TSHZ3: variants seen among roughly 807,000 people sequenced by gnomAD.
TSHZ3 encodes the protein teashirt homolog 3.
Under a neutral mutation model 64.5 loss-of-function variants are expected in TSHZ3, and 10 were observed. That is an observed-to-expected ratio of 0.16 (90% CI 0.10 to 0.26). TSHZ3 has a LOEUF of 0.26. Ranked by LOEUF, TSHZ3 falls within the 10% of genes least tolerant of loss-of-function variation. TSHZ3 has a pLI of 1.00. For synonymous variants in TSHZ3, 608 were observed against 593.1 expected (o/e 1.03, Z -0.36); for missense variants, 1,242 against 1,421.7 (o/e 0.87, Z 2.03).
chr19:31,250,807 G>T (rs1230785713), intron 1 of TSHZ3, among the ~76,000 whole-genome samples: 2 of 152,282 alleles, frequency 1.3e-5, no homozygotes, highest in East Asian at 3.9e-4. Flanking sequence ...CACAGTAGGT[G>T]CTCAGTAAAT....
At chr19:31,224,186 G>A (rs1975428812) in intron 4 of TSHZ3, among the ~76,000 whole-genome samples, 1 of 152,118 alleles carries the variant, frequency 6.6e-6, no homozygotes, top group African/African-American at 2.4e-5. Flanking sequence ...CATTAAATAA[G>A]GTTTACCATT....
intron 5 of TSHZ3, among the ~76,000 whole-genome samples, chr19:31,194,502 G>A (rs1338304871): frequency 1.3e-5 from 2 of 152,090 alleles, no homozygotes; most frequent in Non-Finnish European, 2.9e-5. Flanking sequence ...AGTGGGGTGG[G>A]GAGATTGAGA....
intron 1 of TSHZ3, among the ~76,000 whole-genome samples, chr19:31,250,266 G>A (rs368182299): frequency 5.3e-5 from 8 of 152,140 alleles, no homozygotes; most frequent in Admixed American, 2.0e-4. Flanking sequence ...TCCCTTTTGC[G>A]TTGCAAAAAT....
Position 31,277,843 on chromosome 19 carries a change from G to A in TSHZ3, c.1950C>T (p.Val650=), listed in dbSNP as rs769580882. Residue 650 remains valine, a synonymous_variant, in exon 2 of 2, where the codon GTC becomes GTT. Coordinates refer to ENST00000240587, the MANE Select transcript of TSHZ3 (RefSeq NM_020856.4). This position sits in a 1 kb window ranked among gnomAD's most constrained non-coding sequence, Gnocchi z 4.5. ...ATGCCTCCATCTTGATGGGTTCCCC[G>A]ACTTCGCTGCTACATGGGGAGGGAG... The part of the protein sequence containing the change: ...RATPSPCSSE[V]GEPIKMEASS... 32 of 1,584,816 alleles carry A rather than the reference G, an allele frequency of 2.0e-5. No homozygotes were observed. Among genetic ancestry groups the A allele is most frequent in the African/African-American group, 4.1e-5 (3 of 73,774 alleles).
At chr19:31,181,155 T>C (rs1486223022) in intron 5 of TSHZ3, among the ~76,000 whole-genome samples, 1 of 152,020 alleles carries the variant, frequency 6.6e-6, no homozygotes. Flanking sequence ...TACCAGTTTT[T>C]GAAGAATCAA....
chr19:31,307,139 GA>G (rs555588555), intron 1 of TSHZ3, among the ~76,000 whole-genome samples: 17 of 151,038 alleles, frequency 1.1e-4, no homozygotes, highest in East Asian at 3.9e-4. Context: ...AGTGCTTGAG[GA>G]AAAAAAAATG....
intron 1 of TSHZ3, among the ~76,000 whole-genome samples, chr19:31,268,393 A>C (rs1976085880): frequency 6.6e-6 from 1 of 152,182 alleles, no homozygotes; most frequent in African/African-American, 2.4e-5. Flanking sequence ...AGTCTCACTG[A>C]AACACAAGAG....
chr19:31,222,667 C>A (rs1360740291), intron 4 of TSHZ3, among the ~76,000 whole-genome samples: 1 of 152,162 alleles, frequency 6.6e-6, no homozygotes, highest in East Asian at 1.9e-4. Context: ...GGGCTTAGCA[C>A]AGGGACTTCC....
At chr19:31,164,786 C>A (rs950651634) in intron 5 of TSHZ3, among the ~76,000 whole-genome samples, 1 of 152,224 alleles carries the variant, frequency 6.6e-6, no homozygotes, top group African/African-American at 2.4e-5. Context: ...CCTTTCCCCC[C>A]TTTGTGGCTG....
At chr19:31,182,330 T>C (rs1475793989) in intron 5 of TSHZ3, among the ~76,000 whole-genome samples, 1 of 152,192 alleles carries the variant, frequency 6.6e-6, no homozygotes, top group Admixed American at 6.5e-5. Flanking sequence ...AGAGCTCTTG[T>C]TCCAGGGAGA....
intron 1 of TSHZ3, among the ~76,000 whole-genome samples, chr19:31,343,609 T>C (rs1917497900): frequency 6.6e-6 from 1 of 152,146 alleles, no homozygotes; most frequent in Non-Finnish European, 1.5e-5. Context: ...AAGAAGATTA[T>C]GTTCTATTAC....
intron 1 of TSHZ3, among the ~76,000 whole-genome samples, chr19:31,246,493 T>A (rs746141581): frequency 7.9e-5 from 12 of 151,986 alleles, no homozygotes; most frequent in Non-Finnish European, 1.6e-4. Context: ...AGGTTTCTCA[T>A]TGTTGGAGAA....
chr19:31,277,723 A>T lies in TSHZ3; in HGVS notation c.2070T>A (p.Asn690Lys), dbSNP rs769175996. 6 of 1,522,490 alleles carry T rather than the reference A, an allele frequency of 3.9e-6. No individual in the cohort carries two copies. Among genetic ancestry groups the T allele is most frequent in the Non-Finnish European group, 5.3e-6 (6 of 1,137,442 alleles). 94.3% of individuals were successfully genotyped at this position (1,522,490 alleles called of 1,614,324 possible). A position where few individuals can be genotyped will look rare whatever the true frequency, so the allele number is the denominator to read the frequency against. The change falls in exon 2 of 2, where the codon AAT becomes AAA. Residue 690 changes from asparagine (N) to lysine (K), a missense_variant. By Grantham distance (94) the Asn-to-Lys change is moderately conservative. This residue lies in a region of TSHZ3 where 550 missense variants were observed against 545.1 expected (regional missense o/e 1.01). Coordinates refer to ENST00000240587, the MANE Select transcript of TSHZ3 (RefSeq NM_020856.4). This position sits in a 1 kb window ranked among gnomAD's most constrained non-coding sequence, Gnocchi z 4.5. ...DGSPLAEPVENGKELVKPLAS... is the reference protein window; with the variant it reads ...DGSPLAEPVEKGKELVKPLAS... ...CTAGGGGCTTCACCAGCTCCTTGCC[A>T]TTCTCCACCGGCTCAGCGAGGGGGC...
chr19:31,254,866 C>T (rs994553267), intron 1 of TSHZ3, among the ~76,000 whole-genome samples: 8 of 146,198 alleles, frequency 5.5e-5, no homozygotes, highest in African/African-American at 1.9e-4. Flanking sequence ...GACAAGGCCA[C>T]ACTTAGATTC....
chr19:31,267,154 G>C (rs1976064339), intron 1 of TSHZ3, among the ~76,000 whole-genome samples: 1 of 152,206 alleles, frequency 6.6e-6, no homozygotes, highest in South Asian at 2.1e-4. Flanking sequence ...GCAGGTCTTA[G>C]GAATTTTCTT....
At chr19:31,291,258 A>T (rs1012717953) in intron 1 of TSHZ3, among the ~76,000 whole-genome samples, 1 of 152,202 alleles carries the variant, frequency 6.6e-6, no homozygotes. Flanking sequence ...CAAGAGTCCA[A>T]GAGTTCCAGA....
chr19:31,238,386 G>C (rs1396702121), intron 3 of TSHZ3, among the ~76,000 whole-genome samples: 5 of 151,766 alleles, frequency 3.3e-5, no homozygotes, highest in Non-Finnish European at 5.9e-5. Context: ...CTCCTGAGTA[G>C]CTGGGATTAC....
At chr19:31,183,178 T>TTCTCTCTCTCTCTCTC (rs750398873) in intron 5 of TSHZ3, among the ~76,000 whole-genome samples, 4 of 116,472 alleles carry the variant, frequency 3.4e-5, no homozygotes, top group Non-Finnish European at 5.3e-5. Context: ...TTCTATGAGA[T>TTCTCTCTCTCTCTCTC]TCTCTCTCTC....
chr19:31,318,328 A>G (rs534833368), intron 1 of TSHZ3, among the ~76,000 whole-genome samples: 1 of 152,226 alleles, frequency 6.6e-6, no homozygotes, highest in African/African-American at 2.4e-5. Flanking sequence ...CTAAACCAAA[A>G]ATGCAGATCG....
Sources: allele counts gnomAD v4.1 joint callset (sites outside exome capture counted in the v4.1 genomes callset), GRCh38; gene constraint gnomAD v4.1.1; regional missense constraint gnomAD v4.1.1; non-coding constraint Gnocchi (gnomAD v3.1); transcripts MANE v1.5; gene names NCBI Gene and HGNC (gene_info 2026-07-23, HGNC 2026-07-21).